The following SLC35F2 variants were observed in gnomAD, a reference collection of about 807,000 sequenced individuals.
SLC35F2 encodes the protein solute carrier family 35 member F2, also known as queuine/queuosine transporter SLC35F2.
A neutral mutation model predicts 38.1 loss-of-function variants in SLC35F2; 25 were observed. The observed-to-expected ratio is 0.66, with a 90% CI of 0.48 to 0.92. SLC35F2 has a LOEUF of 0.92. Among genes scored for constraint, SLC35F2 ranks in the 40% least tolerant of loss-of-function variants. SLC35F2 has a pLI of 0.00. For synonymous variants in SLC35F2, 173 were observed against 181.7 expected, an observed-to-expected ratio of 0.95 and a Z score of 0.38; for missense variants, 409 against 452.9, an observed-to-expected ratio of 0.90 and a Z score of 0.88.
chr11:107,834,071 T>C (rs1263311659), intron 1 of SLC35F2, among the ~76,000 whole-genome samples: 3 of 152,212 alleles, frequency 2.0e-5, no homozygotes, highest in Non-Finnish European at 4.4e-5. Flanking sequence ...TTTGTTTCAG[T>C]ACCTTATCAG....
chr11:107,803,105 TG>T lies in SLC35F2; in HGVS notation c.834del (p.Phe278LeufsTer5). On this transcript the variant is annotated frameshift_variant, in exon 7 of 8. Coordinates refer to ENST00000525815, the MANE Select transcript of SLC35F2 (RefSeq NM_017515.5). LOFTEE classifies it high-confidence loss of function. Reference protein sequence around the residue: ...FALCMFCLYSFMPLVIKVTSA... With the variant: ...FALCMFCLYSXMPLVIKVTSA... ...CTAGTGACTTTAATCACCAATGGCA[TG>T]AAGCTGTACAGGCAAAACATACACA... 6.2e-7 allele frequency: 1 copy of T among 1,613,948 alleles called. No homozygotes were observed. Among genetic ancestry groups the T allele is most frequent in the East Asian group, 2.2e-5 (1 of 44,832 alleles).
At chr11:107,815,678 T>C in intron 2 of SLC35F2, 112 bp downstream of exon 2, 6 of 1,187,484 alleles carry the variant, frequency 5.1e-6, no homozygotes, top group East Asian at 2.5e-5. Context: ...TTTCAGAGAA[T>C]TGTGCATAAG....
intron 1 of SLC35F2, among the ~76,000 whole-genome samples, chr11:107,848,451 A>G (rs1860130379): frequency 6.6e-6 from 1 of 152,138 alleles, no homozygotes; most frequent in South Asian, 2.1e-4. Context: ...ATGTGATACT[A>G]TTTGGAGGTG....
intron 2 of SLC35F2, among the ~76,000 whole-genome samples, chr11:107,812,014 AC>A (rs1483878418): frequency 1.3e-5 from 2 of 151,686 alleles, no homozygotes; most frequent in African/African-American, 2.4e-5. Context: ...CCATCCTCCC[AC>A]CTCAGCCTCC....
intron 3 of SLC35F2, chr11:107,811,079 G>C (rs774138839): frequency 1.0e-6 from 1 of 985,226 alleles, no homozygotes; most frequent in African/African-American, 1.7e-5. Flanking sequence ...GTCAGTGTTA[G>C]GAAACATCCC....
chr11:107,806,779 C>G lies in SLC35F2; in HGVS notation c.512G>C (p.Cys171Ser). Reference protein sequence around the residue: ...RVIHFIAVAVCLLGVGTMVGA... With the variant: ...RVIHFIAVAVSLLGVGTMVGA... ...AACCATGGTTCCTACACCCAACAGA[C>G]AGACAGCCACGGCGATGAAGTGGAT... Residue 171 changes from cysteine (C) to serine (S), a missense_variant, in exon 4 of 8, where the codon TGT (cysteine) becomes TCT (serine). Coordinates refer to ENST00000525815, the MANE Select transcript of SLC35F2 (RefSeq NM_017515.5). The G allele has an allele frequency of 1.2e-6, 2 of 1,614,116 alleles. No individual in the cohort carries two copies. The highest frequency in any genetic ancestry group is 1.7e-6 in the Non-Finnish European group (2 of 1,179,960).
At position 107,853,020 on chromosome 11, in the gene SLC35F2, A is replaced by G. The variant is rs554238574; in HGVS notation, c.110+5638T>C. 2.0e-5 allele frequency among the ~76,000 whole-genome samples: 3 copies of G among 152,206 alleles called. No homozygotes were observed. The East Asian group carries it at 5.8e-4, about 29-fold the overall frequency. On this transcript the variant is annotated intron_variant, in intron 1 of 7. Coordinates refer to ENST00000525815, the MANE Select transcript of SLC35F2 (RefSeq NM_017515.5). ...CTAGGGCTCCATCTCAAAAAAACAA[A>G]GTAATGTGGGTGTAGACTGACCACC...
chr11:107,829,343 C>T (rs1191097612), intron 1 of SLC35F2, among the ~76,000 whole-genome samples: 1 of 151,342 alleles, frequency 6.6e-6, no homozygotes, highest in Non-Finnish European at 1.5e-5. Flanking sequence ...CATTTGAACA[C>T]AGGAGGCAGA....
intron 3 of SLC35F2, chr11:107,809,996 T>A (rs1373927993): frequency 1.0e-6 from 1 of 985,240 alleles, no homozygotes; most frequent in Admixed American, 6.2e-5. Context: ...TCACGTGAAC[T>A]ATCCCATGAC....
At position 107,858,539 on chromosome 11, in the gene SLC35F2, G is replaced by A. The variant is rs1486559321; in HGVS notation, c.110+119C>T. On this transcript the variant is annotated intron_variant, in intron 1 of 7. Coordinates refer to ENST00000525815, the MANE Select transcript of SLC35F2 (RefSeq NM_017515.5). ...TGAGCCCCGAACCGAAGTCCGTGCG[G>A]CCGCCACCTCTGCCTCCCTGCTGGG... The A allele has an allele frequency of 3.2e-6, 3 of 945,614 alleles. No homozygotes were observed. In the East Asian group the frequency reaches 9.9e-5, roughly 31 times the overall value. 58.6% of individuals were successfully genotyped at this position (945,614 alleles called of 1,614,324 possible).
intron 1 of SLC35F2, among the ~76,000 whole-genome samples, chr11:107,830,535 G>C (rs544231572): frequency 4.4e-5 from 6 of 135,620 alleles, no homozygotes; most frequent in African/African-American, 1.7e-4. Context: ...AGTGAGCCGA[G>C]ATCACGCCAC....
chr11:107,855,646 C>G (rs1452617826), intron 1 of SLC35F2, among the ~76,000 whole-genome samples: 3 of 150,242 alleles, frequency 2.0e-5, no homozygotes, highest in African/African-American at 7.4e-5. Flanking sequence ...CAGTGAAACT[C>G]TGTCTAAAAA....
intron 3 of SLC35F2, among the ~76,000 whole-genome samples, chr11:107,808,875 AG>A (rs1471534182): frequency 3.3e-5 from 5 of 152,236 alleles, no homozygotes; most frequent in Admixed American, 6.5e-5. Flanking sequence ...CAAAAAAAGT[AG>A]AAAAAGACAT....
rs145409310 is a variant in SLC35F2 at position 107,807,603 on chromosome 11, C to T, written c.415-727G>A. Among the ~76,000 whole-genome samples, 1,419 of 150,302 alleles carry T rather than the reference C, an allele frequency of 9.4e-3. 23 individuals are homozygous for T. The highest frequency in any genetic ancestry group is 0.032 in the African/African-American group (1,301 of 40,904). ...TTATTTTTTTTTTGAGATGGAGTCT[C>T]GCTCTGTTGCCCAAGCTGGAGCGCA... On this transcript the variant is annotated intron_variant, in intron 3 of 7. Coordinates refer to ENST00000525815, the MANE Select transcript of SLC35F2 (RefSeq NM_017515.5).
chr11:107,797,418 T>C (rs1191986869), intron 7 of SLC35F2, among the ~76,000 whole-genome samples: 4 of 151,896 alleles, frequency 2.6e-5, no homozygotes, highest in Non-Finnish European at 5.9e-5. Flanking sequence ...CTTGGCACAG[T>C]GGTAGGCACC....
At chr11:107,809,329 C>CAAAAAAAAAAAAAAAAAAAA (rs61511493) in intron 3 of SLC35F2, among the ~76,000 whole-genome samples, 4 of 96,116 alleles carry the variant, frequency 4.2e-5, no homozygotes, top group Non-Finnish European at 6.7e-5. Flanking sequence ...ACTCAAAATA[C>CAAAAAAAAAAAAAAAAAAAA]AAAAAAAAAA....
At chr11:107,857,106 C>CCAGGATTTG in intron 1 of SLC35F2, among the ~76,000 whole-genome samples, 3 of 113,212 alleles carry the variant, frequency 2.6e-5, no homozygotes, top group Admixed American at 1.1e-4. Flanking sequence ...GGTCACCCAG[C>CCAGGATTTG]AGAAGGAAGG....
In SLC35F2 at chr11:107,842,257, C is replaced by CAAAAAAAAAAAAAAAA. The variant is rs541185009; in HGVS notation, c.110+16385_110+16400dup. Among the ~76,000 whole-genome samples the CAAAAAAAAAAAAAAAA allele has an allele frequency of 8.2e-4, 31 of 37,902 alleles. 1 individual carries two copies. Among genetic ancestry groups the CAAAAAAAAAAAAAAAA allele is most frequent in the South Asian group, 1.9e-3 (1 of 520 alleles). 24.9% of individuals were successfully genotyped at this position (37,902 alleles called of 152,430 possible). ...GGCGACAGAGTGAGACTCCGTCTCA[C>CAAAAAAAAAAAAAAAA]AAAAAAAAAAAAAAAAAAAAAAAAA... On this transcript the variant is annotated intron_variant, in intron 1 of 7. Coordinates refer to ENST00000525815, the MANE Select transcript of SLC35F2 (RefSeq NM_017515.5).
chr11:107,829,355 G>A (rs1859801080), intron 1 of SLC35F2, among the ~76,000 whole-genome samples: 1 of 151,754 alleles, frequency 6.6e-6, no homozygotes, highest in Non-Finnish European at 1.5e-5. Context: ...GGAGGCAGAG[G>A]CTGCAGTGAA....
Sources: allele counts gnomAD v4.1 joint callset (sites outside exome capture counted in the v4.1 genomes callset), GRCh38; gene constraint gnomAD v4.1.1; transcripts MANE v1.5; gene names NCBI Gene and HGNC (gene_info 2026-07-23, HGNC 2026-07-21).